MAP3K15: variants seen among roughly 807,000 people sequenced by gnomAD.
MAP3K15 encodes the protein mitogen-activated protein kinase kinase kinase 15.
A neutral mutation model predicts 99.5 loss-of-function variants in MAP3K15; 124 were observed. The observed-to-expected ratio is 1.25, with a 90% CI of 1.08 to 1.45. The LOEUF is 1.45. Among genes scored for constraint, MAP3K15 ranks in the 40% most tolerant of loss-of-function variants. The probability of loss-of-function intolerance (pLI) is 0.00; values close to 1 mark genes in which losing one functional copy is unlikely to be tolerated. For missense variants in MAP3K15, 1,242 were observed against 1,079.7 expected (o/e 1.15, Z -2.11); for synonymous variants, 494 against 439.6 (o/e 1.12, Z -1.55).
In MAP3K15 at chrX:19,460,071, C is replaced by G; in HGVS notation, c.802G>C (p.Ala268Pro). 8.4e-7 allele frequency: 1 copy of G among 1,196,701 alleles called. No individual in the cohort carries two copies. The highest frequency in any genetic ancestry group is 1.1e-6 in the Non-Finnish European group (1 of 892,736). ...YQGEELAKEL[A>P]RIKLRMDNTE... ...TTATCCATGCGGAGCTTGATCCGAG[C>G]TAGCTCCTTCGCCAGTTCCTCACCT... is the stretch of plus-strand genomic sequence containing the variant. Residue 268 changes from alanine (A) to proline (P), a missense_variant, in exon 5 of 29, where the codon GCT becomes CCT. Transcript: ENST00000338883.
In MAP3K15 at chrX:19,362,800, C is replaced by T. The variant is rs372854064; in HGVS notation, c.3617G>A (p.Arg1206Gln). The T allele has an allele frequency of 5.9e-6, 7 of 1,192,539 alleles. No homozygotes were observed. The highest frequency in any genetic ancestry group is 1.8e-5 in the South Asian group (1 of 55,243). The change falls in exon 26 of 29, where the codon CGG (arginine) becomes CAG (glutamine). Residue 1206 changes from arginine (R) to glutamine (Q), a missense_variant. Transcript: ENST00000338883. ...TTGAGTTTTCTGTTCTAGAGTTTGC[C>T]GCAGAAGATTCTGGTACTCTCTCTC... The part of the protein sequence containing the change: ...EKEREYQNLL[R>Q]QTLEQKTQEL...
Position 19,426,315 on chromosome X carries a change from A to T in MAP3K15, c.1195T>A (p.Ser399Thr). ...GCAAGATTAATTCCCGAATAGAGGG[A>T]TGACTGGAGTTCAAACCCTTTGCGA... Reference protein sequence around the residue: ...WYRKGFELQSSLYSGINLAVL... With the variant: ...WYRKGFELQSTLYSGINLAVL... Residue 399 changes from serine (S) to threonine (T), a missense_variant, in exon 8 of 29, where the codon TCC becomes ACC. By Grantham distance (58) the Ser-to-Thr change is moderately conservative. Coordinates refer to ENST00000338883, the MANE Select transcript of MAP3K15 (RefSeq NM_001001671.4). 8.6e-7 allele frequency: 1 copy of T among 1,156,407 alleles called. No individual in the cohort carries two copies. Among genetic ancestry groups the T allele is most frequent in the Middle Eastern group, 2.4e-4 (1 of 4,227 alleles).
chrX:19,515,045 C>T lies in MAP3K15; in HGVS notation c.217G>A (p.Gly73Ser), dbSNP rs1258691915. ...AVYVRSESSQ[G>S]GAAGGPEAGA... Reference sequence around the variant, plus strand: ...GCCTCCGGGCCGCCGGCCGCGCCGCCCTGGGAGCTCTCACTGCGCACGTAT... The same window carrying T: ...GCCTCCGGGCCGCCGGCCGCGCCGCTCTGGGAGCTCTCACTGCGCACGTAT... Residue 73 changes from glycine (G) to serine (S), a missense_variant, in exon 1 of 29, where the codon GGC (glycine) becomes AGC (serine). Transcript: ENST00000338883. The T allele has an allele frequency of 3.9e-6, 4 of 1,018,806 alleles. No individual in the cohort carries two copies. The highest frequency in any genetic ancestry group is 5.1e-6 in the Non-Finnish European group (4 of 783,445). The allele number at this position is 1,018,806 out of a possible 1,213,427, so 84.0% of individuals were successfully genotyped here. A position where few individuals can be genotyped will look rare whatever the true frequency, so the allele number is the denominator to read the frequency against.
Position 19,395,144 on chromosome X carries a change from G to T in MAP3K15, c.2131C>A (p.Gln711Lys), listed in dbSNP as rs1339977528. Reference protein sequence around the residue: ...HKYLKHRNIVQYLGSVSENGY... With the variant: ...HKYLKHRNIVKYLGSVSENGY... ...TTCTCTGAAACAGAGCCCAGGTACT[G>T]AACGATATTGCGGTGCTTAAGGTAC... Residue 711 changes from glutamine to lysine, a missense_variant, in exon 16 of 29, where the codon CAG becomes AAG. By Grantham distance (53) the Gln-to-Lys change is moderately conservative (BLOSUM62 1). Transcript: ENST00000338883. 1.7e-6 allele frequency: 2 copies of T among 1,206,179 alleles called. No homozygotes were observed. Among genetic ancestry groups the T allele is most frequent in the Non-Finnish European group, 2.2e-6 (2 of 893,173 alleles).
chrX:19,484,439 G>C (rs2064310180), intron 3 of MAP3K15, among the ~76,000 whole-genome samples: 1 of 112,018 alleles, frequency 8.9e-6, no homozygotes, highest in Admixed American at 9.5e-5. Context: ...AAAGGTTGGG[G>C]ACCGCTGCTT....
At chrX:19,444,661 CAA>C (rs1343694822) in intron 6 of MAP3K15, among the ~76,000 whole-genome samples, 1 of 111,948 alleles carries the variant, frequency 8.9e-6, no homozygotes, top group Non-Finnish European at 1.9e-5. Context: ...CAGAGCAGAA[CAA>C]ACTACAAGAA....
chrX:19,504,395 C>T (rs776125805), intron 1 of MAP3K15, among the ~76,000 whole-genome samples: 1 of 110,530 alleles, frequency 9.0e-6, no homozygotes, highest in Non-Finnish European at 1.9e-5. Context: ...CTGGCCAGTA[C>T]TAGTCACGAG....
chrX:19,474,947 G>C (rs2064232260), intron 3 of MAP3K15, among the ~76,000 whole-genome samples: 1 of 110,813 alleles, frequency 9.0e-6, no homozygotes, highest in Non-Finnish European at 1.9e-5. Flanking sequence ...CAACCTTTTT[G>C]GCACCAGGGA....
At chrX:19,371,206 T>C in intron 23 of MAP3K15, 139 bp downstream of exon 23, 1 of 823,610 alleles carries the variant, frequency 1.2e-6, no homozygotes, top group Non-Finnish European at 1.7e-6. Flanking sequence ...TGCCATTTCC[T>C]GGACTTCATT....
At chrX:19,464,940 G>C (rs1455643642) in intron 3 of MAP3K15, among the ~76,000 whole-genome samples, 1 of 111,224 alleles carries the variant, frequency 9.0e-6, no homozygotes, top group Admixed American at 9.6e-5. Flanking sequence ...CACCTAGACT[G>C]AAGTGCAGTG....
intron 5 of MAP3K15, among the ~76,000 whole-genome samples, chrX:19,458,074 G>A (rs893349459): frequency 2.7e-5 from 3 of 112,157 alleles, no homozygotes; most frequent in African/African-American, 9.7e-5. Flanking sequence ...GCTTAGAATC[G>A]TTGGAACTGG....
chrX:19,456,056 T>C (rs1360250116), intron 6 of MAP3K15, among the ~76,000 whole-genome samples: 1 of 111,172 alleles, frequency 9.0e-6, no homozygotes, highest in Non-Finnish European at 1.9e-5. Flanking sequence ...AGCAGGTGCA[T>C]TTCCACAGAG....
At chrX:19,480,216 T>C (rs1033153074) in intron 3 of MAP3K15, among the ~76,000 whole-genome samples, 25 of 111,756 alleles carry the variant, frequency 2.2e-4, no homozygotes, top group African/African-American at 6.5e-4. Flanking sequence ...AGCCAAGCAA[T>C]CTACAGATAC....
chrX:19,508,912 A>T (rs1014524108), intron 1 of MAP3K15, among the ~76,000 whole-genome samples: 2 of 111,992 alleles, frequency 1.8e-5, no homozygotes, highest in African/African-American at 6.5e-5. Flanking sequence ...ATGTACAAAA[A>T]TTTAAAAATA....
At chrX:19,461,969 C>T (rs1304793788) in intron 4 of MAP3K15, among the ~76,000 whole-genome samples, 2 of 107,428 alleles carry the variant, frequency 1.9e-5, no homozygotes, top group East Asian at 2.9e-4. Context: ...CCAGCCTGGG[C>T]GACAGAGTGA....
intron 7 of MAP3K15, among the ~76,000 whole-genome samples, chrX:19,428,528 T>A (rs1296803823): frequency 2.7e-5 from 2 of 73,052 alleles, no homozygotes; most frequent in Non-Finnish European, 5.8e-5. Flanking sequence ...TACACTATGG[T>A]GGAAGGGAAT....
At chrX:19,448,415 T>A (rs753790810) in intron 6 of MAP3K15, among the ~76,000 whole-genome samples, 1 of 109,280 alleles carries the variant, frequency 9.2e-6, no homozygotes, top group African/African-American at 3.3e-5. Flanking sequence ...CTCAAAACAA[T>A]CAAGTGAGCA....
intron 20 of MAP3K15, 65 bp from the exon 21 acceptor site, chrX:19,373,760 C>G: frequency 9.0e-7 from 1 of 1,110,106 alleles, no homozygotes; most frequent in Non-Finnish European, 1.2e-6. Context: ...AGCTGAGTCC[C>G]TGGCAGCCCC....
chrX:19,493,308 C>G (rs1259564456), intron 1 of MAP3K15, among the ~76,000 whole-genome samples: 1 of 97,937 alleles, frequency 1.0e-5, no homozygotes, highest in African/African-American at 3.9e-5. Flanking sequence ...AGAGACTTTT[C>G]ACTGTCAATG....
Sources: allele counts gnomAD v4.1 joint callset (sites outside exome capture counted in the v4.1 genomes callset), GRCh38; gene constraint gnomAD v4.1.1; transcripts MANE v1.5; gene names NCBI Gene and HGNC (gene_info 2026-07-23, HGNC 2026-07-21).